Variants in DOCK1 observed in about 807,000 individuals in gnomAD.
DOCK1 encodes dedicator of cytokinesis 1.
A neutral mutation model predicts 262.7 loss-of-function variants in DOCK1; 138 were observed. The ratio of observed to expected loss-of-function variants is 0.53; its 90% CI spans 0.46 to 0.61. DOCK1 has a LOEUF of 0.61. DOCK1 is among the 20% of genes least tolerant of loss of function. The pLI is 0.00. For synonymous variants in DOCK1, 866 were observed against 867.4 expected (o/e 1.00, Z 0.03); for missense variants, 1,908 against 2,370.7 (o/e 0.80, Z 4.05).
intron 49 of DOCK1, among the ~76,000 whole-genome samples, chr10:127,440,939 C>G (rs1434404218): frequency 6.6e-6 from 1 of 152,354 alleles, no homozygotes; most frequent in East Asian, 1.9e-4. Flanking sequence ...GCCCACCACC[C>G]CAGAGGCTGG....
chr10:127,257,484 C>T (rs1374957286), intron 29 of DOCK1, 55 bp downstream of exon 29: 2 of 1,496,274 alleles, frequency 1.3e-6, no homozygotes, highest in Non-Finnish European at 1.8e-6. Flanking sequence ...TTCATGTCTG[C>T]TGGGAACAGT....
At chr10:127,140,779 C>G (rs1308629830) in intron 27 of DOCK1, among the ~76,000 whole-genome samples, 1 of 152,172 alleles carries the variant, frequency 6.6e-6, no homozygotes, top group Non-Finnish European at 1.5e-5. Context: ...GTCTTAATAG[C>G]TAAATGGATC....
At chr10:127,450,548 T>A (rs145008945) in intron 51 of DOCK1, among the ~76,000 whole-genome samples, 92 of 152,302 alleles carry the variant, frequency 6.0e-4, no homozygotes, top group Non-Finnish European at 1.2e-3. Context: ...ATTTTTCTAT[T>A]CGATTGACCC....
intron 27 of DOCK1, among the ~76,000 whole-genome samples, chr10:127,233,339 A>G (rs544090858): frequency 6.6e-6 from 1 of 152,348 alleles, no homozygotes; most frequent in Non-Finnish European, 1.5e-5. Context: ...AGTTGGAAAT[A>G]TGAATTTTGT....
intron 21 of DOCK1, among the ~76,000 whole-genome samples, chr10:127,050,558 A>G (rs534889112): frequency 5.1e-4 from 77 of 152,128 alleles, no homozygotes; most frequent in Non-Finnish European, 8.2e-4. Context: ...TAAAAATACA[A>G]AACTTAGCTG....
At chr10:127,310,075 A>G (rs2062009816) in intron 29 of DOCK1, among the ~76,000 whole-genome samples, 1 of 152,082 alleles carries the variant, frequency 6.6e-6, no homozygotes, top group African/African-American at 2.4e-5. Context: ...GGGTTTCACC[A>G]TGTTAGCCAG....
rs2720977 is a variant in DOCK1 at position 127,319,711 on chromosome 10, G to A, written c.3045-19295G>A. Reference sequence around the variant, plus strand: ...GGAAAGCCCATATTCACAGTCAAGTGTGAAAGTGGCTTTTGGGCCACCCGT... The same window carrying A: ...GGAAAGCCCATATTCACAGTCAAGTATGAAAGTGGCTTTTGGGCCACCCGT... On this transcript the variant is annotated intron_variant, in intron 29 of 51. Coordinates refer to ENST00000623213, the MANE Select transcript of DOCK1 (RefSeq NM_001290223.2). 5.3e-3 allele frequency among the ~76,000 whole-genome samples: 800 copies of A among 152,360 alleles called. 7 individuals carry two copies. The highest frequency in any genetic ancestry group is 0.018 in the African/African-American group (765 of 41,572).
At chr10:126,920,330 T>C (rs1378587995) in intron 1 of DOCK1, among the ~76,000 whole-genome samples, 1 of 152,234 alleles carries the variant, frequency 6.6e-6, no homozygotes, top group Non-Finnish European at 1.5e-5. Context: ...CTAGTCCCCT[T>C]GTTGATACGT....
chr10:127,356,598 G>A (rs72840200), intron 32 of DOCK1, among the ~76,000 whole-genome samples: 4,628 of 152,260 alleles, frequency 0.03, 96 homozygotes, highest in Non-Finnish European at 0.042. Flanking sequence ...GGGACCCAGT[G>A]TGGTCCCATG....
rs560000503 is a variant in DOCK1 at position 127,180,497 on chromosome 10, C to T, written c.2847+52733C>T. 7.9e-5 allele frequency among the ~76,000 whole-genome samples: 12 copies of T among 152,190 alleles called. No individual in the cohort carries two copies. The South Asian group carries it at 8.3e-4, about 11-fold the overall frequency. On this transcript the variant is annotated intron_variant, in intron 27 of 51. Coordinates refer to ENST00000623213, the MANE Select transcript of DOCK1 (RefSeq NM_001290223.2). ...TAGTCATGGTTGTGCCTGTTTGGCTCGAGAGAGCTAGATGTCGAGGAGCTG... is the reference window on the plus strand; with the variant it reads ...TAGTCATGGTTGTGCCTGTTTGGCTTGAGAGAGCTAGATGTCGAGGAGCTG...
At chr10:127,368,618 G>A (rs1418473579) in intron 33 of DOCK1, among the ~76,000 whole-genome samples, 1 of 152,112 alleles carries the variant, frequency 6.6e-6, no homozygotes, top group Non-Finnish European at 1.5e-5. Flanking sequence ...CAGGGGAAAT[G>A]TGGAGAGGCA....
chr10:126,923,183 A>T (rs1193574153), intron 1 of DOCK1, among the ~76,000 whole-genome samples: 1 of 152,248 alleles, frequency 6.6e-6, no homozygotes, highest in Non-Finnish European at 1.5e-5. Flanking sequence ...TGTGGGCCAC[A>T]TTTGGCCCAT....
intron 18 of DOCK1, among the ~76,000 whole-genome samples, chr10:127,036,314 C>T (rs2043612482): frequency 6.6e-6 from 1 of 152,148 alleles, no homozygotes; most frequent in African/African-American, 2.4e-5. Context: ...TTTTTTGTCT[C>T]CCTATTTTTA....
In DOCK1 at chr10:127,403,094, G is replaced by T; in HGVS notation, c.3967G>T (p.Glu1323Ter). The T allele has an allele frequency of 1.2e-6, 2 of 1,612,946 alleles. No homozygotes were observed. The highest frequency in any genetic ancestry group is 1.7e-6 in the Non-Finnish European group (2 of 1,179,522). The change falls in exon 39 of 52, where the codon GAG becomes TAG. Residue 1323 changes from glutamate to a stop codon, truncating the protein, a stop_gained. Transcript: ENST00000623213. LOFTEE classifies it high-confidence loss of function. ...CATTGCCTTGGGCAAGGAGCTAGCCGAGCAGTATGAGAACGAAATGTTTGA... is the reference window on the plus strand; with the variant it reads ...CATTGCCTTGGGCAAGGAGCTAGCCTAGCAGTATGAGAACGAAATGTTTGA... The part of the protein sequence containing the change: ...EAIALGKELA[E>*]QYENEMFDYE...
intron 27 of DOCK1, among the ~76,000 whole-genome samples, chr10:127,229,686 G>A (rs2058769941): frequency 6.6e-6 from 1 of 152,140 alleles, no homozygotes; most frequent in African/African-American, 2.4e-5. Flanking sequence ...ACGCTACAGT[G>A]TACATGGGAG....
chr10:127,002,641 G>A (rs2040675889), intron 10 of DOCK1, among the ~76,000 whole-genome samples: 1 of 152,290 alleles, frequency 6.6e-6, no homozygotes, highest in Non-Finnish European at 1.5e-5. Context: ...CACTGGGGCA[G>A]GGCGGGCAGC....
chr10:127,278,853 T>C (rs1249675987), intron 29 of DOCK1, among the ~76,000 whole-genome samples: 1 of 152,238 alleles, frequency 6.6e-6, no homozygotes, highest in East Asian at 1.9e-4. Context: ...TGACAGTGTT[T>C]AGATCTGTTA....
At chr10:127,317,701 A>G (rs892619859) in intron 29 of DOCK1, among the ~76,000 whole-genome samples, 1 of 142,958 alleles carries the variant, frequency 7.0e-6, no homozygotes, top group Non-Finnish European at 1.6e-5. Flanking sequence ...TAGTTGGGTT[A>G]GTTGAGATAA....
chr10:127,101,794 T>A (rs1364863107), intron 23 of DOCK1, among the ~76,000 whole-genome samples: 1 of 152,210 alleles, frequency 6.6e-6, no homozygotes, highest in Non-Finnish European at 1.5e-5. Flanking sequence ...AGGCGGTTGA[T>A]GCTTTGCTGG....
Sources: allele counts gnomAD v4.1 joint callset (sites outside exome capture counted in the v4.1 genomes callset), GRCh38; gene constraint gnomAD v4.1.1; transcripts MANE v1.5; gene names NCBI Gene and HGNC (gene_info 2026-07-23, HGNC 2026-07-21).